Variants in PPM1G observed in about 807,000 individuals in gnomAD.
PPM1G encodes protein phosphatase, Mg2+/Mn2+ dependent 1G, also known as protein phosphatase 1G.
In PPM1G, 12 loss-of-function variants were observed where a neutral mutation model predicts 59.4. The ratio of observed to expected loss-of-function variants is 0.20; its 90% CI spans 0.13 to 0.33. The LOEUF is 0.33. PPM1G is among the 10% of genes least tolerant of loss of function. The pLI, the probability that PPM1G is intolerant of heterozygous loss-of-function variation, is 1.00. For synonymous variants in PPM1G, 245 were observed against 251.9 expected (o/e 0.97, Z 0.26); for missense variants, 392 against 681.3 (o/e 0.58, Z 4.73).
At chr2:27,393,412 G>C in intron 1 of PPM1G, 5 of 1,262,036 alleles carry the variant, frequency 4.0e-6, no homozygotes, top group Non-Finnish European at 5.6e-6. Context: ...TGGTGGCTAC[G>C]CGGCGCTGGA....
Position 27,409,450 on chromosome 2 carries a change from G to A in PPM1G, c.-28C>T. 4.7e-6 allele frequency: 7 copies of A among 1,487,220 alleles called. No homozygotes were observed. Among genetic ancestry groups the A allele is most frequent in the Non-Finnish European group, 6.2e-6 (7 of 1,120,098 alleles). 92.1% of individuals were successfully genotyped at this position (1,487,220 alleles called of 1,614,324 possible). On this transcript the variant is annotated 5_prime_UTR_variant, in exon 1 of 10. Coordinates refer to ENST00000344034, the MANE Select transcript of PPM1G (RefSeq NM_177983.3). ...CGGCGGCTGGCCGGCGGCCTCAGGT[G>A]CAGGAAAGCTGGGCGCGACCCGTGC...
chr2:27,387,216 A>C, intron 1 of PPM1G, 58 bp from the exon 2 acceptor site: 62 of 1,403,180 alleles, frequency 4.4e-5, no homozygotes, highest in Non-Finnish European at 5.9e-5. Flanking sequence ...TCCTCAGGTC[A>C]TAGGGATCAA....
chr2:27,397,914 A>C (rs753866273), intron 1 of PPM1G, among the ~76,000 whole-genome samples: 1 of 152,104 alleles, frequency 6.6e-6, no homozygotes, highest in South Asian at 2.1e-4. Context: ...ATAAAAGGGA[A>C]CTTCCTAAAC....
At chr2:27,393,510 G>A (rs751976045) in intron 1 of PPM1G, 3 of 705,938 alleles carry the variant, frequency 4.2e-6, no homozygotes, top group Non-Finnish European at 7.7e-6. Flanking sequence ...GGTGCAGGAC[G>A]AGCGCCGGGT....
chr2:27,391,205 A>AG (rs1683892034), intron 1 of PPM1G, among the ~76,000 whole-genome samples: 1 of 152,230 alleles, frequency 6.6e-6, no homozygotes, highest in South Asian at 2.1e-4. Context: ...ATATCCAGCC[A>AG]TCAGATTGCT....
In PPM1G at chr2:27,392,884, T is replaced by C. The variant is rs933831527; in HGVS notation, c.121-5726A>G. ...CATCTCGTGCATGTTGGTCACGTGG[T>C]CACCCAATTCTTTGATGGCCTTCAC... is the stretch of plus-strand genomic sequence containing the variant. On this transcript the variant is annotated intron_variant, in intron 1 of 9. Transcript: ENST00000344034. 2.8e-6 allele frequency: 4 copies of C among 1,429,616 alleles called. No individual in the cohort carries two copies. The South Asian group carries it at 3.4e-5, about 12-fold the overall frequency. The allele number at this position is 1,429,616 out of a possible 1,614,324, so 88.6% of individuals were successfully genotyped here. A position where few individuals can be genotyped will look rare whatever the true frequency, so the allele number is the denominator to read the frequency against.
At chr2:27,402,058 C>G (rs1160916680) in intron 1 of PPM1G, among the ~76,000 whole-genome samples, 1 of 151,868 alleles carries the variant, frequency 6.6e-6, no homozygotes, top group Non-Finnish European at 1.5e-5. Context: ...AAAAAGGAAC[C>G]TGTATACACA....
intron 1 of PPM1G, among the ~76,000 whole-genome samples, chr2:27,407,294 C>T (rs1007268989): frequency 2.6e-5 from 4 of 152,002 alleles, no homozygotes; most frequent in Non-Finnish European, 4.4e-5. Context: ...GACAGCGTCT[C>T]GCTCTGTCAC....
rs1428604306 is a variant in PPM1G at position 27,381,818 on chromosome 2, T to A, written c.1435-13A>T. On this transcript the variant is annotated splice_polypyrimidine_tract_variant and intron_variant, in intron 9 of 9. Coordinates refer to ENST00000344034, the MANE Select transcript of PPM1G (RefSeq NM_177983.3). Reference sequence around the variant, plus strand: ...ACTGATCCAGCAGCTAAGAAAGGGATGGGGGTAGCTCAGCCACAGGGTTTG... The same window carrying A: ...ACTGATCCAGCAGCTAAGAAAGGGAAGGGGGTAGCTCAGCCACAGGGTTTG... 2 of 1,611,118 alleles carry A rather than the reference T, an allele frequency of 1.2e-6. No homozygotes were observed. Among genetic ancestry groups the A allele is most frequent in the Non-Finnish European group, 1.7e-6 (2 of 1,179,328 alleles).
chr2:27,408,918 C>T (rs565324219), intron 1 of PPM1G, among the ~76,000 whole-genome samples: 3 of 152,326 alleles, frequency 2.0e-5, no homozygotes, highest in African/African-American at 7.2e-5. Flanking sequence ...CATCTATTCA[C>T]CTCTCCCTTG....
intron 2 of PPM1G, 111 bp from the exon 3 acceptor site, chr2:27,386,390 A>T: frequency 1.3e-6 from 1 of 761,008 alleles, no homozygotes; most frequent in Non-Finnish European, 2.3e-6. Context: ...GGGGATAAAT[A>T]TCTTAGCACC....
intron 1 of PPM1G, among the ~76,000 whole-genome samples, chr2:27,397,721 T>C (rs903034763): frequency 5.3e-5 from 8 of 152,130 alleles, no homozygotes; most frequent in Non-Finnish European, 1.0e-4. Flanking sequence ...TTTAAAAAAT[T>C]AGCCCAGTAT....
chr2:27,395,252 A>T (rs1684021786), intron 1 of PPM1G, among the ~76,000 whole-genome samples: 1 of 145,654 alleles, frequency 6.9e-6, no homozygotes, highest in Non-Finnish European at 1.5e-5. Flanking sequence ...AAAAAAAAAG[A>T]AAGAAAGAAA....
intron 1 of PPM1G, among the ~76,000 whole-genome samples, chr2:27,395,233 CAAAA>C (rs775943242): frequency 6.7e-5 from 6 of 89,570 alleles, no homozygotes; most frequent in African/African-American, 2.6e-4. Flanking sequence ...GACTCTGTCT[CAAAA>C]AAAAAAAAAA....
intron 1 of PPM1G, among the ~76,000 whole-genome samples, chr2:27,407,202 G>A (rs1188572109): frequency 6.6e-6 from 1 of 151,860 alleles, no homozygotes; most frequent in East Asian, 1.9e-4. Context: ...CTAAGCTCAG[G>A]CAATCCGCCC....
chr2:27,395,349 T>C (rs552758313), intron 1 of PPM1G, among the ~76,000 whole-genome samples: 11 of 149,954 alleles, frequency 7.3e-5, no homozygotes, highest in African/African-American at 2.7e-4. Context: ...CTGGCCAACA[T>C]GGCAAAACCC....
At chr2:27,404,759 A>G (rs933465340) in intron 1 of PPM1G, among the ~76,000 whole-genome samples, 5 of 151,882 alleles carry the variant, frequency 3.3e-5, no homozygotes, top group African/African-American at 1.2e-4. Context: ...CCCGGCCAAC[A>G]TAGTGAAACC....
intron 1 of PPM1G, among the ~76,000 whole-genome samples, chr2:27,392,155 T>A (rs1483307112): frequency 6.6e-6 from 1 of 152,076 alleles, no homozygotes; most frequent in African/African-American, 2.4e-5. Context: ...ATCTTAACTC[T>A]CCCAGACAAC....
At chr2:27,393,262 G>A in intron 1 of PPM1G, 5 of 1,589,508 alleles carry the variant, frequency 3.1e-6, no homozygotes, top group African/African-American at 1.3e-5. Context: ...GCCACGCACA[G>A]GTAAATGGAG....
Sources: gnomAD v4.1 joint callset for allele counts (sites outside exome capture counted in the v4.1 genomes callset) on GRCh38, gnomAD v4.1.1 for gene constraint, MANE v1.5 for transcripts, NCBI Gene and HGNC (gene_info 2026-07-23, HGNC 2026-07-21) for gene names.